The following FAM117A variants were observed in gnomAD, a reference collection of about 807,000 sequenced individuals.
The protein encoded by FAM117A is family with sequence similarity 117 member A, also known as protein FAM117A.
A neutral mutation model predicts 44.1 loss-of-function variants in FAM117A; 21 were observed. That is an observed-to-expected ratio of 0.48 (90% CI 0.34 to 0.69). The LOEUF (loss-of-function observed/expected upper bound fraction) is 0.69, where lower values mean the gene tolerates loss of function less well. Ranked by LOEUF, FAM117A falls within the 30% of genes least tolerant of loss-of-function variation. FAM117A has a pLI of 0.01. For synonymous variants in FAM117A, 220 were observed against 238.3 expected, an observed-to-expected ratio of 0.92 and a Z score of 0.71; for missense variants, 498 against 589.9, an observed-to-expected ratio of 0.84 and a Z score of 1.61.
intron 1 of FAM117A, among the ~76,000 whole-genome samples, chr17:49,781,215 A>G (rs1271590233): frequency 6.6e-6 from 1 of 152,240 alleles, no homozygotes; most frequent in African/African-American, 2.4e-5. Context: ...AATCATCAAG[A>G]TAAATTAGTA....
chr17:49,758,452 C>T (rs2073707541), intron 1 of FAM117A, among the ~76,000 whole-genome samples: 1 of 151,082 alleles, frequency 6.6e-6, no homozygotes, highest in Admixed American at 6.6e-5. Context: ...GGTGAAACCC[C>T]GTCTCTACTA....
At position 49,720,452 on chromosome 17, in the gene FAM117A, G is replaced by C; in HGVS notation, c.463-16C>G. ...ACTTGGAAATCTAGCAGCCCAGAGAGAAGACGACAGAGGCAGATTAAGGAA... is the reference window on the plus strand; with the variant it reads ...ACTTGGAAATCTAGCAGCCCAGAGACAAGACGACAGAGGCAGATTAAGGAA... On this transcript the variant is annotated splice_polypyrimidine_tract_variant and intron_variant, in intron 3 of 7. Transcript: ENST00000240364. 2 of 1,607,104 alleles carry C rather than the reference G, an allele frequency of 1.2e-6. No individual in the cohort carries two copies. The highest frequency in any genetic ancestry group is 1.7e-6 in the Non-Finnish European group (2 of 1,176,194).
chr17:49,742,115 ATAAGAC>A (rs561723862), intron 1 of FAM117A, among the ~76,000 whole-genome samples: 130 of 152,330 alleles, frequency 8.5e-4, no homozygotes, highest in African/African-American at 3.0e-3. Context: ...ATCCCTACCA[ATAAGAC>A]TACCCCAAAT....
At chr17:49,755,570 C>T (rs1184671748) in intron 1 of FAM117A, among the ~76,000 whole-genome samples, 1 of 152,184 alleles carries the variant, frequency 6.6e-6, no homozygotes, top group Non-Finnish European at 1.5e-5. Flanking sequence ...CCCAAGCTCA[C>T]CCTCTAGCTA....
At chr17:49,757,806 C>T (rs1487696601) in intron 1 of FAM117A, among the ~76,000 whole-genome samples, 1 of 152,166 alleles carries the variant, frequency 6.6e-6, no homozygotes, top group African/African-American at 2.4e-5. Context: ...GAAGATTGAA[C>T]CTAGACGAAG....
intron 1 of FAM117A, among the ~76,000 whole-genome samples, chr17:49,736,183 A>G (rs1197592613): frequency 6.6e-6 from 1 of 152,122 alleles, no homozygotes; most frequent in African/African-American, 2.4e-5. Context: ...TTTCCAAATC[A>G]ATATATATTG....
chr17:49,726,230 A>G (rs1345148965), intron 2 of FAM117A, among the ~76,000 whole-genome samples: 2 of 150,692 alleles, frequency 1.3e-5, no homozygotes, highest in African/African-American at 4.9e-5. Flanking sequence ...TTTTTTTTTG[A>G]GATGGGAGTT....
intron 1 of FAM117A, among the ~76,000 whole-genome samples, chr17:49,736,708 T>C (rs1027617612): frequency 6.6e-6 from 1 of 152,202 alleles, no homozygotes; most frequent in Non-Finnish European, 1.5e-5. Context: ...AGATTTTGCA[T>C]GGGCCCAGGG....
At chr17:49,742,321 C>G (rs1302550410) in intron 1 of FAM117A, among the ~76,000 whole-genome samples, 2 of 152,172 alleles carry the variant, frequency 1.3e-5, no homozygotes, top group Non-Finnish European at 2.9e-5. Context: ...AAGAGAAACC[C>G]TTCTGGAGAT....
At position 49,760,182 on chromosome 17, in the gene FAM117A, G is replaced by A. The variant is rs560329274; in HGVS notation, c.196+3710C>T. 5.9e-5 allele frequency among the ~76,000 whole-genome samples: 9 copies of A among 152,318 alleles called. No homozygotes were observed. In the East Asian group the frequency reaches 1.7e-3, roughly 29 times the overall value. ...TTCTACAAAGATTGAGAACTGACTG[G>A]AAGCAGGTGACCTTCTTTTCTTTTG... is the stretch of plus-strand genomic sequence containing the variant. On this transcript the variant is annotated intron_variant, in intron 1 of 7. Transcript: ENST00000240364.
At chr17:49,722,944 C>T (rs541648874) in intron 2 of FAM117A, among the ~76,000 whole-genome samples, 1 of 152,296 alleles carries the variant, frequency 6.6e-6, no homozygotes, top group Admixed American at 6.5e-5. Context: ...AATATAGGCT[C>T]AGGCTCCGGG....
intron 1 of FAM117A, among the ~76,000 whole-genome samples, chr17:49,745,207 C>T (rs1303891098): frequency 6.6e-6 from 1 of 152,048 alleles, no homozygotes; most frequent in Admixed American, 6.5e-5. Context: ...TTTGATGGCC[C>T]CATTTTGTTG....
chr17:49,740,120 C>T (rs909454157), intron 1 of FAM117A, among the ~76,000 whole-genome samples: 26 of 152,180 alleles, frequency 1.7e-4, no homozygotes, highest in African/African-American at 5.8e-4. Context: ...AGAGGGCCAG[C>T]GGTCAAGTAT....
At chr17:49,724,555 G>A (rs1394044166) in intron 2 of FAM117A, 29 of 450,538 alleles carry the variant, frequency 6.4e-5, no homozygotes, top group South Asian at 4.4e-4. Flanking sequence ...ATGTGAGGCT[G>A]GGGGTGGTGG....
At chr17:49,749,320 G>A (rs1231053228) in intron 1 of FAM117A, among the ~76,000 whole-genome samples, 1 of 152,088 alleles carries the variant, frequency 6.6e-6, no homozygotes, top group Non-Finnish European at 1.5e-5. Context: ...GCTCACACCT[G>A]TAATCCCAGC....
intron 7 of FAM117A, among the ~76,000 whole-genome samples, chr17:49,714,646 C>G (rs2073493715): frequency 6.6e-6 from 1 of 150,460 alleles, no homozygotes; most frequent in Non-Finnish European, 1.5e-5. Context: ...CTGATCACCA[C>G]TTCCTTTTTT....
chr17:49,739,074 G>A (rs140817884), intron 1 of FAM117A, among the ~76,000 whole-genome samples: 1 of 152,248 alleles, frequency 6.6e-6, no homozygotes, highest in Non-Finnish European at 1.5e-5. Flanking sequence ...GGGTAGGTCT[G>A]ACTACAGCCA....
intron 1 of FAM117A, among the ~76,000 whole-genome samples, chr17:49,771,093 A>G (rs2073759759): frequency 6.6e-6 from 1 of 152,004 alleles, no homozygotes; most frequent in African/African-American, 2.4e-5. Context: ...CTGTAATCCC[A>G]GCTACTAGGG....
intron 1 of FAM117A, among the ~76,000 whole-genome samples, chr17:49,748,326 C>T (rs1243739463): frequency 6.6e-6 from 1 of 152,178 alleles, no homozygotes; most frequent in Non-Finnish European, 1.5e-5. Flanking sequence ...CCTCTCTGAG[C>T]AGACAGCATT....
Sources: allele counts gnomAD v4.1 joint callset (sites outside exome capture counted in the v4.1 genomes callset), GRCh38; gene constraint gnomAD v4.1.1; transcripts MANE v1.5; gene names NCBI Gene and HGNC (gene_info 2026-07-23, HGNC 2026-07-21).